CD164L2: variants seen among roughly 807,000 people sequenced by gnomAD.
CD164L2 encodes CD164 sialomucin-like 2 protein.
A neutral mutation model predicts 23.9 loss-of-function variants in CD164L2; 21 were observed. The ratio of observed to expected loss-of-function variants is 0.88; its 90% confidence interval spans 0.62 to 1.27. The LOEUF is 1.27. Ranked by LOEUF, CD164L2 falls within the 50% of genes most tolerant of loss-of-function variation. The probability of loss-of-function intolerance (pLI) is 0.00; values close to 1 mark genes in which losing one functional copy is unlikely to be tolerated. For synonymous variants in CD164L2, 92 were observed against 90.2 expected (o/e 1.02, Z -0.11); for missense variants, 230 against 224.8 (o/e 1.02, Z -0.15).
In CD164L2 at chr1:27,382,417, A is replaced by G; in HGVS notation, c.257-18T>C. 1 of 1,590,736 alleles carries G rather than the reference A, an allele frequency of 6.3e-7. No individual in the cohort carries two copies. Among genetic ancestry groups the G allele is most frequent in the Non-Finnish European group, 8.6e-7 (1 of 1,164,358 alleles). On this transcript the variant is annotated intron_variant, in intron 2 of 5. Transcript: ENST00000374030. ...ACAGTGTCCTGGTGAGAGAAGGTGC[A>G]GGGGGGAGGTTTGGGGAGAGGGGCC...
At chr1:27,382,738 C>T (rs1261548514) in intron 1 of CD164L2, 71 bp from the exon 2 acceptor site, 3 of 1,471,360 alleles carry the variant, frequency 2.0e-6, no homozygotes, top group African/African-American at 2.8e-5. Flanking sequence ...ACCCTCCCAC[C>T]CAACACTCCG....
At chr1:27,382,766 G>GCACA in intron 1 of CD164L2, 99 bp from the exon 2 acceptor site, 1 of 1,200,512 alleles carries the variant, frequency 8.3e-7, no homozygotes, top group Non-Finnish European at 1.1e-6. Context: ...TCGCCCCTCT[G>GCACA]CACACATCTG....
In CD164L2 at chr1:27,380,180, G is replaced by T; in HGVS notation, c.389C>A (p.Pro130His). ...KTVTTGSPPV[P>H]EAHSPGFDGA... The stretch of plus-strand genomic sequence containing the variant: ...GTCAAATCCAGGGCTGTGGGCCTCA[G>T]GGACTGGGGGGCTCCCTGCAGGGGT... Residue 130 changes from proline (P) to histidine (H), a missense_variant, in exon 5 of 6, where the codon CCT becomes CAT. By Grantham distance (77) the Pro-to-His change is moderately conservative. Coordinates refer to ENST00000374030, the MANE Select transcript of CD164L2 (RefSeq NM_001330448.1). The T allele has an allele frequency of 6.2e-7, 1 of 1,614,098 alleles. No individual in the cohort carries two copies. The highest frequency in any genetic ancestry group is 8.5e-7 in the Non-Finnish European group (1 of 1,179,978).
At chr1:27,379,710 C>G in intron 5 of CD164L2, 2 of 1,460,074 alleles carry the variant, frequency 1.4e-6, no homozygotes, top group Non-Finnish European at 1.8e-6. Flanking sequence ...ACACAAGGCC[C>G]AGCTCCTGCC....
At chr1:27,380,417 T>C (rs1336780532) in intron 4 of CD164L2, among the ~76,000 whole-genome samples, 1 of 152,166 alleles carries the variant, frequency 6.6e-6, no homozygotes, top group Non-Finnish European at 1.5e-5. Flanking sequence ...CTGGCTCTGC[T>C]CCTGGCTTGC....
chr1:27,382,071 T>G, intron 3 of CD164L2: 1 of 1,474,454 alleles, frequency 6.8e-7, no homozygotes, highest in Non-Finnish European at 9.0e-7. Context: ...CCCTCTGAAC[T>G]TCCAAAGTCC....
rs757690548 is a variant in CD164L2 at position 27,382,638 on chromosome 1, C to A, written c.118G>T (p.Ala40Ser). 25 of 1,612,482 alleles carry A rather than the reference C, an allele frequency of 1.6e-5. No individual in the cohort carries two copies. The highest frequency in any genetic ancestry group is 1.7e-6 in the Non-Finnish European group (2 of 1,179,778). ...GKGARGFGRGALIRLNIWPAV... is the reference protein window; with the variant it reads ...GKGARGFGRGSLIRLNIWPAV... ...GGCCAGATATTCAGGCGGATCAGGGCTCCCCTCCCAAAGCCTCGAGCTCCT... is the reference window on the plus strand; with the variant it reads ...GGCCAGATATTCAGGCGGATCAGGGATCCCCTCCCAAAGCCTCGAGCTCCT... Residue 40 changes from alanine to serine, a missense_variant, in exon 2 of 6, where the codon GCC becomes TCC. Coordinates refer to ENST00000374030, the MANE Select transcript of CD164L2 (RefSeq NM_001330448.1).
chr1:27,380,288 C>A, intron 4 of CD164L2, 93 bp from the exon 5 acceptor site: 1 of 1,220,076 alleles, frequency 8.2e-7, no homozygotes, highest in Non-Finnish European at 1.2e-6. Context: ...ACCTGGAGGC[C>A]CCGGTCCTCA....
chr1:27,383,256 G>C lies in CD164L2; in HGVS notation c.-17C>G. The C allele has an allele frequency of 6.6e-7, 1 of 1,510,862 alleles. No individual in the cohort carries two copies. The highest frequency in any genetic ancestry group is 1.4e-5 in the African/African-American group (1 of 72,264). 93.6% of individuals were successfully genotyped at this position (1,510,862 alleles called of 1,614,324 possible). ...AGCCTCCATGGGCTCGCGGGGTGGG[G>C]GTGGCCGGGGGCGGTGGCCGGGATC... On this transcript the variant is annotated 5_prime_UTR_variant, in exon 1 of 6. Coordinates refer to ENST00000374030, the MANE Select transcript of CD164L2 (RefSeq NM_001330448.1).
Position 27,380,059 on chromosome 1 carries a change from G to GT in CD164L2, c.509dup (p.Tyr170Ter). 1 of 1,614,012 alleles carries GT rather than the reference G, an allele frequency of 6.2e-7. No homozygotes were observed. The highest frequency in any genetic ancestry group is 8.5e-7 in the Non-Finnish European group (1 of 1,179,924). ...LHFLKAKDST[Y>*]QTLI ...GCTGGCCAGGTACTCACAGCGTCTG[G>GT]TAGGTGCTGTCCTTGGCCTTGAGGA... The change falls in exon 5 of 6, where the codon TAC (tyrosine) becomes TAAC (stop). Residue 170 changes from tyrosine to a stop codon, truncating the protein, a stop_gained and frameshift_variant. Transcript: ENST00000374030. LOFTEE classifies it high-confidence loss of function.
At chr1:27,380,333 C>G in intron 4 of CD164L2, 138 bp from the exon 5 acceptor site, 1 of 750,652 alleles carries the variant, frequency 1.3e-6, no homozygotes, top group African/African-American at 1.8e-5. Context: ...TCCGTTTAGT[C>G]CAGATCCCGC....
intron 3 of CD164L2, chr1:27,382,061 C>T: frequency 6.8e-7 from 1 of 1,472,200 alleles, no homozygotes; most frequent in Non-Finnish European, 9.0e-7. Context: ...CCCTCTCATT[C>T]CCTCTGAACT....
intron 4 of CD164L2, among the ~76,000 whole-genome samples, 158 bp downstream of exon 4, chr1:27,381,622 G>A (rs1427037109): frequency 2.0e-5 from 3 of 152,226 alleles, no homozygotes; most frequent in Non-Finnish European, 4.4e-5. Context: ...GCAACTCTAT[G>A]AGAAAGGCAT....
At chr1:27,379,951 C>A in intron 5 of CD164L2, 100 bp downstream of exon 5, 1 of 1,550,384 alleles carries the variant, frequency 6.5e-7, no homozygotes, top group Non-Finnish European at 8.7e-7. Context: ...GAGGGCTTGC[C>A]CATGGAGAAG....
At chr1:27,383,086 G>C (rs1026584428) in intron 1 of CD164L2, 66 bp downstream of exon 1, 2 of 1,353,458 alleles carry the variant, frequency 1.5e-6, no homozygotes, top group African/African-American at 2.9e-5. Flanking sequence ...CTGGGGAGAC[G>C]GCTGGCTGAG....
chr1:27,382,607 A>G lies in CD164L2; in HGVS notation c.149T>C (p.Val50Ala). 1 of 1,613,164 alleles carries G rather than the reference A, an allele frequency of 6.2e-7. No individual in the cohort carries two copies. The highest frequency in any genetic ancestry group is 8.5e-7 in the Non-Finnish European group (1 of 1,179,912). The change falls in exon 2 of 6, where the codon GTC (valine) becomes GCC (alanine). Residue 50 changes from valine to alanine, a missense_variant. Physicochemically the swap from Val to Ala is moderately conservative, Grantham distance 64. Transcript: ENST00000374030. ...ALIRLNIWPA[V>A]QGACKQLEVC... ...CTCCAGCTGTTTGCAGGCCCCTTGG[A>G]CCGCCGGCCAGATATTCAGGCGGAT...
chr1:27,381,703 T>C, intron 4 of CD164L2, 77 bp downstream of exon 4: 1 of 1,531,228 alleles, frequency 6.5e-7, no homozygotes. Context: ...TCACAGAGCA[T>C]GTCAGTGCCT....
chr1:27,380,498 C>G (rs767858357), intron 4 of CD164L2, among the ~76,000 whole-genome samples: 8 of 152,170 alleles, frequency 5.3e-5, no homozygotes, highest in Non-Finnish European at 8.8e-5. Context: ...TGGCTTGGAC[C>G]AGTGACTGGG....
chr1:27,379,713 C>G, intron 5 of CD164L2: 1 of 1,457,042 alleles, frequency 6.9e-7, no homozygotes. Context: ...CAAGGCCCAG[C>G]TCCTGCCCAC....
Sources: allele counts gnomAD v4.1 joint callset (sites outside exome capture counted in the v4.1 genomes callset), GRCh38; gene constraint gnomAD v4.1.1; transcripts MANE v1.5; gene names NCBI Gene and HGNC (gene_info 2026-07-23, HGNC 2026-07-21).